The following SETD2 variants were observed in gnomAD, a reference collection of about 807,000 sequenced individuals.
The protein encoded by SETD2 is histone-lysine N-methyltransferase SETD2.
In SETD2, 31 loss-of-function variants were observed where a neutral mutation model predicts 242.1. The ratio of observed to expected loss-of-function variants is 0.13; its 90% CI spans 0.10 to 0.17. The LOEUF (loss-of-function observed/expected upper bound fraction) is 0.17, where lower values mean the gene tolerates loss of function less well. Among genes scored for constraint, SETD2 ranks in the 10% least tolerant of loss-of-function variants. The probability of loss-of-function intolerance (pLI) is 1.00; values close to 1 mark genes in which losing one functional copy is unlikely to be tolerated. For synonymous variants in SETD2, 1,006 were observed against 1,066.5 expected (o/e 0.94, Z 1.11); for missense variants, 2,481 against 3,046.3 (o/e 0.81, Z 4.37).
chr3:47,084,365 T>C lies in SETD2; in HGVS notation c.5415A>G (p.Glu1805=). The C allele has an allele frequency of 6.2e-7, 1 of 1,612,102 alleles. No individual in the cohort carries two copies. Among genetic ancestry groups the C allele is most frequent in the East Asian group, 2.2e-5 (1 of 44,844 alleles). Reference sequence around the variant, plus strand: ...TATTTTTAGTAGGAATGGGCAAGTGTTCCAAAGTCTTTATAATCTGATTAA... The same window carrying C: ...TATTTTTAGTAGGAATGGGCAAGTGCTCCAAAGTCTTTATAATCTGATTAA... The part of the protein sequence containing the change: ...KLQEEIIKTL[E]HLPIPTKNML... The change falls in exon 12 of 21, where the codon GAA becomes GAG. Residue 1805 remains glutamate (E), a synonymous_variant. Coordinates refer to ENST00000409792, the MANE Select transcript of SETD2 (RefSeq NM_014159.7).
intron 16 of SETD2, 103 bp from the exon 17 acceptor site, chr3:47,042,803 C>A: frequency 9.8e-7 from 1 of 1,024,608 alleles, no homozygotes; most frequent in Non-Finnish European, 1.4e-6. Flanking sequence ...ACATCTACCT[C>A]CTCTTAAAAA....
At chr3:47,028,515 C>T (rs2038610591) in intron 18 of SETD2, among the ~76,000 whole-genome samples, 1 of 152,106 alleles carries the variant, frequency 6.6e-6, no homozygotes, top group African/African-American at 2.4e-5. Context: ...CTGGACTCAA[C>T]CCGACAAAGA....
chr3:47,043,919 C>T (rs1372337208), intron 16 of SETD2, among the ~76,000 whole-genome samples: 1 of 152,164 alleles, frequency 6.6e-6, no homozygotes, highest in African/African-American at 2.4e-5. Context: ...CCAAACCATT[C>T]AGTACTTATT....
chr3:47,112,748 C>G (rs1352524410), intron 5 of SETD2, among the ~76,000 whole-genome samples: 1 of 151,364 alleles, frequency 6.6e-6, no homozygotes, highest in Non-Finnish European at 1.5e-5. Flanking sequence ...CGCCACCACA[C>G]CCATCTAATT....
At position 47,123,943 on chromosome 3, in the gene SETD2, T is replaced by C. The variant is rs1236994470; in HGVS notation, c.693A>G (p.Val231=). The C allele has an allele frequency of 2.6e-6, 4 of 1,551,580 alleles. No individual in the cohort carries two copies. The highest frequency in any genetic ancestry group is 2.0e-5 in the Admixed American group (1 of 50,992). Residue 231 remains valine, a synonymous_variant, in exon 3 of 21, where the codon GTA becomes GTG. Transcript: ENST00000409792. ...CTTTCAGAGATCTAACTGCTACATCTACTGGTAAGGGTACTGGTGCTGCCA... is the reference window on the plus strand; with the variant it reads ...CTTTCAGAGATCTAACTGCTACATCCACTGGTAAGGGTACTGGTGCTGCCA... ...VLMAAPVPLP[V]DVAVRSLKEP... is the part of the protein sequence containing the mutation.
intron 6 of SETD2, among the ~76,000 whole-genome samples, chr3:47,104,494 C>T (rs2042333345): frequency 6.6e-6 from 1 of 152,014 alleles, no homozygotes; most frequent in South Asian, 2.1e-4. Context: ...AAGCTATCAT[C>T]ATGCCACTGC....
At chr3:47,142,819 C>T (rs2043763037) in intron 1 of SETD2, among the ~76,000 whole-genome samples, 1 of 152,058 alleles carries the variant, frequency 6.6e-6, no homozygotes, top group Non-Finnish European at 1.5e-5. Context: ...AGGAGCCTGC[C>T]ACCACGCCCA....
At chr3:47,066,987 G>A (rs549349483) in intron 13 of SETD2, 83 bp downstream of exon 13, 8 of 991,098 alleles carry the variant, frequency 8.1e-6, no homozygotes, top group South Asian at 4.7e-5. Context: ...AAACAAAAAC[G>A]CTTAAGTTCT....
chr3:47,120,897 C>G lies in SETD2; in HGVS notation c.3739G>C (p.Asp1247His), dbSNP rs2107747225. Reference protein sequence around the residue: ...FSSSCEIPHVDGLHSSEELRN... With the variant: ...FSSSCEIPHVHGLHSSEELRN... Reference sequence around the variant, plus strand: ...AGCTCTTCTGATGAGTGCAAGCCATCCACATGTGGTATCTCACAAGAGGAA... The same window carrying G: ...AGCTCTTCTGATGAGTGCAAGCCATGCACATGTGGTATCTCACAAGAGGAA... Residue 1247 changes from aspartate (D) to histidine (H), a missense_variant, in exon 3 of 21, where the codon GAT (aspartate) becomes CAT (histidine). Asp to His is a moderately conservative substitution (Grantham distance 81, BLOSUM62 -1). Around this residue, in one of 17 missense-constraint regions of SETD2, gnomAD observed 1,300 missense variants for 1,259.2 expected, o/e 1.03. Coordinates refer to ENST00000409792, the MANE Select transcript of SETD2 (RefSeq NM_014159.7). The G allele has an allele frequency of 3.1e-6, 5 of 1,614,226 alleles. No individual in the cohort carries two copies. The highest frequency in any genetic ancestry group is 4.2e-6 in the Non-Finnish European group (5 of 1,180,038).
rs1399765540 is a variant in SETD2, at chr3:47,123,573, A to G, written c.1063T>C (p.Ser355Pro). The change falls in exon 3 of 21, where the codon TCA becomes CCA. Residue 355 changes from serine (S) to proline (P), a missense_variant. Ser to Pro is a moderately conservative substitution (Grantham distance 74). This residue lies in a region of SETD2 where 38 missense variants were observed against 61.0 expected (regional missense o/e 0.62). Transcript: ENST00000409792. ...AGATCCTCACTTTTTAAAGGTGCTG[A>G]GCTCTTTTTAAAATCTCTTTCCTTT... is the stretch of plus-strand genomic sequence containing the variant. ...IEKERDFKKS[S>P]APLKSEDLGK... 3.9e-6 allele frequency: 6 copies of G among 1,550,266 alleles called. No homozygotes were observed. The East Asian group carries it at 1.5e-4, about 38-fold the overall frequency.
chr3:47,163,787 G>A, intron 1 of SETD2, 67 bp downstream of exon 1: 1 of 1,232,456 alleles, frequency 8.1e-7, no homozygotes, highest in East Asian at 3.3e-5. Flanking sequence ...CACCCGTCAG[G>A]ACGCGCCGCC....
At chr3:47,087,098 T>C (rs1427800519) in intron 10 of SETD2, among the ~76,000 whole-genome samples, 1 of 150,302 alleles carries the variant, frequency 6.7e-6, no homozygotes, top group Non-Finnish European at 1.5e-5. Flanking sequence ...TAAACTGGTG[T>C]AAAAAAGGGT....
chr3:47,125,719 T>C (rs12493723), intron 2 of SETD2, among the ~76,000 whole-genome samples: 5,903 of 152,310 alleles, frequency 0.039, 264 homozygotes, highest in East Asian at 0.13. Flanking sequence ...CTAAGAAGAC[T>C]ACTTTTCTTC....
chr3:47,068,239 T>C (rs1335151804), intron 12 of SETD2, among the ~76,000 whole-genome samples: 2 of 152,210 alleles, frequency 1.3e-5, no homozygotes, highest in Non-Finnish European at 2.9e-5. Flanking sequence ...TCCACAATTG[T>C]TGCTTCTCAC....
At position 47,076,172 on chromosome 3, in the gene SETD2, A is replaced by T. The variant is rs7645448; in HGVS notation, c.6060+7548T>A. Among the ~76,000 whole-genome samples the T allele has an allele frequency of 4.6e-5, 7 of 152,052 alleles. No homozygotes were observed. The South Asian group carries it at 1.0e-3, about 23-fold the overall frequency. On this transcript the variant is annotated intron_variant, in intron 12 of 20. Transcript: ENST00000409792. ...AAACAGGAAAGACTTTCCGGGGGGGAAAAGGAAGAAATTTAAATGAGAAGA... is the reference window on the plus strand; with the variant it reads ...AAACAGGAAAGACTTTCCGGGGGGGTAAAGGAAGAAATTTAAATGAGAAGA...
chr3:47,090,164 T>C (rs1559708811), intron 9 of SETD2, among the ~76,000 whole-genome samples: 2 of 151,944 alleles, frequency 1.3e-5, no homozygotes, highest in East Asian at 3.9e-4. Context: ...GGAGAATAGC[T>C]TGAACCCACG....
intron 13 of SETD2, chr3:47,064,561 T>C: frequency 3.2e-6 from 1 of 309,876 alleles, no homozygotes; most frequent in Non-Finnish European, 6.9e-6. Flanking sequence ...ATACCAACAG[T>C]TCATATTCTG....
intron 1 of SETD2, among the ~76,000 whole-genome samples, chr3:47,131,383 G>A (rs1349587014): frequency 1.3e-5 from 2 of 151,734 alleles, no homozygotes; most frequent in Non-Finnish European, 2.9e-5. Context: ...TCGCTCTGTC[G>A]CCCAGGCTGG....
At chr3:47,154,277 T>C (rs1324904559) in intron 1 of SETD2, among the ~76,000 whole-genome samples, 1 of 151,246 alleles carries the variant, frequency 6.6e-6, no homozygotes, top group Non-Finnish European at 1.5e-5. Context: ...GGCGTGGTGG[T>C]GCGCGCCTGT....
Sources: allele counts gnomAD v4.1 joint callset (sites outside exome capture counted in the v4.1 genomes callset), GRCh38; gene constraint gnomAD v4.1.1; regional missense constraint gnomAD v4.1.1; transcripts MANE v1.5; gene names NCBI Gene and HGNC (gene_info 2026-07-23, HGNC 2026-07-21).